The following CSMD1 variants were observed in gnomAD, a reference collection of about 807,000 sequenced individuals.
The protein encoded by CSMD1 is CUB and sushi domain-containing protein 1.
CSMD1 carries 213 observed loss-of-function variants against 417.5 expected under a neutral mutation model. The ratio of observed to expected loss-of-function variants is 0.51; its 90% confidence interval spans 0.46 to 0.57. CSMD1 has a LOEUF of 0.57. CSMD1 is among the 20% of genes least tolerant of loss of function. The pLI is 0.00. For synonymous variants in CSMD1, 2,862 were observed against 1,736.8 expected (o/e 1.65, Z -16.11); for missense variants, 6,923 against 4,529.7 (o/e 1.53, Z -15.17).
At chr8:4,690,896 T>G (rs1806723758) in intron 1 of CSMD1, among the ~76,000 whole-genome samples, 1 of 152,130 alleles carries the variant, frequency 6.6e-6, no homozygotes, top group Admixed American at 6.5e-5. Context: ...GCCCGGCTAA[T>G]TTTTCTATTT....
chr8:3,726,234 C>T (rs925240445), intron 6 of CSMD1, among the ~76,000 whole-genome samples: 10 of 152,144 alleles, frequency 6.6e-5, no homozygotes, highest in Admixed American at 1.3e-4. Flanking sequence ...TGACTGTAAA[C>T]CCATGAGAGG....
chr8:4,332,018 C>T lies in CSMD1; in HGVS notation c.415+87935G>A, dbSNP rs1359975439. 3.3e-5 allele frequency among the ~76,000 whole-genome samples: 5 copies of T among 152,224 alleles called. No individual in the cohort carries two copies. The East Asian group carries it at 7.7e-4, about 24-fold the overall frequency. On this transcript the variant is annotated intron_variant, in intron 3 of 69. Transcript: ENST00000635120. ...ATGCTGAGTAATTTACTCAAACCCA[C>T]AAACAATGATGGATGCTTGTGGTTT...
rs988113341 is a variant in CSMD1, at chr8:4,947,990, G to C, written c.85+46342C>G. Among the ~76,000 whole-genome samples the C allele has an allele frequency of 5.9e-5, 9 of 152,130 alleles. No individual in the cohort carries two copies. The East Asian group carries it at 1.7e-3, about 29-fold the overall frequency. ...TAAGATATCCATAAAAAAATCTGCT[G>C]TATGAACTTTCTTCCACATGTCAGC... On this transcript the variant is annotated intron_variant, in intron 1 of 69. Transcript: ENST00000635120.
At chr8:3,875,328 A>G (rs1805744721) in intron 5 of CSMD1, among the ~76,000 whole-genome samples, 1 of 152,180 alleles carries the variant, frequency 6.6e-6, no homozygotes, top group Non-Finnish European at 1.5e-5. Context: ...CTGTTCTATT[A>G]GGTGAAGGAG....
chr8:4,627,424 T>G (rs1802182953), intron 2 of CSMD1, among the ~76,000 whole-genome samples: 1 of 152,108 alleles, frequency 6.6e-6, no homozygotes, highest in South Asian at 2.1e-4. Flanking sequence ...ACAAACTACT[T>G]CTGTGGATTT....
chr8:3,517,107 G>T (rs1797312910), intron 10 of CSMD1, among the ~76,000 whole-genome samples: 1 of 152,172 alleles, frequency 6.6e-6, no homozygotes, highest in South Asian at 2.1e-4. Context: ...CTCAGGAGAG[G>T]AAGGAGGCCA....
chr8:4,432,240 C>T (rs769201878), intron 2 of CSMD1, among the ~76,000 whole-genome samples: 1 of 152,102 alleles, frequency 6.6e-6, no homozygotes, highest in Non-Finnish European at 1.5e-5. Context: ...TATGAGAAAA[C>T]AGTAAACTCA....
chr8:4,149,265 G>A (rs756313618), intron 3 of CSMD1, among the ~76,000 whole-genome samples: 9 of 151,996 alleles, frequency 5.9e-5, no homozygotes, highest in East Asian at 5.8e-4. Flanking sequence ...TGCCCAGCCC[G>A]TAATTTTCAT....
At chr8:4,444,899 T>G (rs1373766754) in intron 2 of CSMD1, among the ~76,000 whole-genome samples, 1 of 152,202 alleles carries the variant, frequency 6.6e-6, no homozygotes, top group African/African-American at 2.4e-5. Context: ...GACTCTGACC[T>G]TGTCCAGGTC....
chr8:4,384,849 T>C (rs1803341369), intron 3 of CSMD1, among the ~76,000 whole-genome samples: 2 of 151,978 alleles, frequency 1.3e-5, no homozygotes, highest in African/African-American at 4.8e-5. Context: ...AAGAGGCTAC[T>C]GTTTGATCTT....
At chr8:4,101,884 A>G (rs1801322384) in intron 3 of CSMD1, among the ~76,000 whole-genome samples, 1 of 152,166 alleles carries the variant, frequency 6.6e-6, no homozygotes, top group Non-Finnish European at 1.5e-5. Context: ...CATCTTGTTA[A>G]CAACTACTAT....
intron 5 of CSMD1, among the ~76,000 whole-genome samples, chr8:3,883,604 A>G (rs760156077): frequency 6.6e-5 from 10 of 152,178 alleles, no homozygotes; most frequent in Admixed American, 1.3e-4. Flanking sequence ...GTTATTATTT[A>G]TTTGATATCA....
chr8:4,163,445 C>A (rs1043248776), intron 3 of CSMD1, among the ~76,000 whole-genome samples: 1 of 152,022 alleles, frequency 6.6e-6, no homozygotes, highest in South Asian at 2.1e-4. Flanking sequence ...CTTGTTTTTA[C>A]GTTTGTATTT....
intron 2 of CSMD1, among the ~76,000 whole-genome samples, chr8:4,457,984 A>C (rs544064323): frequency 3.3e-5 from 5 of 152,138 alleles, no homozygotes; most frequent in Non-Finnish European, 5.9e-5. Flanking sequence ...GGTTGGTGGC[A>C]CTTCCCCTGA....
chr8:4,081,023 C>T (rs1231833607), intron 3 of CSMD1, among the ~76,000 whole-genome samples: 4 of 152,148 alleles, frequency 2.6e-5, no homozygotes, highest in Admixed American at 2.6e-4. Flanking sequence ...CTTTGCCTCC[C>T]TTGTGCCATG....
intron 23 of CSMD1, among the ~76,000 whole-genome samples, chr8:3,342,903 GT>G (rs1269082500): frequency 9.9e-5 from 15 of 151,000 alleles, no homozygotes; most frequent in African/African-American, 3.6e-4. Flanking sequence ...GTGTGTATGT[GT>G]GTGTGTGTGT....
At chr8:3,235,874 A>G (rs1168975413) in intron 26 of CSMD1, among the ~76,000 whole-genome samples, 5 of 151,680 alleles carry the variant, frequency 3.3e-5, no homozygotes, top group Non-Finnish European at 7.4e-5. Flanking sequence ...TACTGCATCT[A>G]CATAATTAGC....
intron 5 of CSMD1, among the ~76,000 whole-genome samples, chr8:3,857,348 A>G (rs1270138010): frequency 4.6e-5 from 7 of 152,188 alleles, no homozygotes; most frequent in African/African-American, 1.7e-4. Context: ...GTTAAACAAA[A>G]CTACACAAAC....
At chr8:4,066,274 T>G (rs2130760168) in intron 3 of CSMD1, among the ~76,000 whole-genome samples, 1 of 152,292 alleles carries the variant, frequency 6.6e-6, no homozygotes, top group East Asian at 1.9e-4. Flanking sequence ...AGGTATCCCT[T>G]CTTTCTCTGT....
Sources: gnomAD v4.1 joint callset for allele counts (sites outside exome capture counted in the v4.1 genomes callset) on GRCh38, gnomAD v4.1.1 for gene constraint, MANE v1.5 for transcripts, NCBI Gene and HGNC (gene_info 2026-07-23, HGNC 2026-07-21) for gene names.